PAPOLG: variants seen among roughly 807,000 people sequenced by gnomAD.
PAPOLG encodes the protein poly(A) polymerase gamma, also known as PAP-gamma.
Under a neutral mutation model 99.0 loss-of-function variants are expected in PAPOLG, and 40 were observed. The observed-to-expected ratio is 0.40, with a 90% CI of 0.31 to 0.53. PAPOLG has a LOEUF of 0.53. PAPOLG is among the 20% of genes least tolerant of loss of function. The pLI is 0.41. For synonymous variants in PAPOLG, 310 were observed against 299.3 expected, an observed-to-expected ratio of 1.04 and a Z score of -0.37; for missense variants, 675 against 884.1, an observed-to-expected ratio of 0.76 and a Z score of 3.00.
At chr2:60,756,650 C>T (rs1214986651) in intron 1 of PAPOLG, among the ~76,000 whole-genome samples, 155 bp downstream of exon 1, 4 of 152,090 alleles carry the variant, frequency 2.6e-5, no homozygotes, top group Non-Finnish European at 5.9e-5. Context: ...GCAAGGGCAC[C>T]TCCCCTAAAC....
intron 3 of PAPOLG, 68 bp from the exon 4 acceptor site, chr2:60,768,402 A>G: frequency 1.3e-6 from 2 of 1,530,656 alleles, no homozygotes; most frequent in Non-Finnish European, 1.8e-6. Flanking sequence ...ATGCCCAGCC[A>G]ACATTGAGGT....
At chr2:60,764,878 T>G (rs1457293237) in intron 3 of PAPOLG, among the ~76,000 whole-genome samples, 1 of 152,194 alleles carries the variant, frequency 6.6e-6, no homozygotes, top group African/African-American at 2.4e-5. Context: ...CTATTTACTT[T>G]TGTTGCCAAA....
chr2:60,781,469 A>G (rs1186750459), intron 10 of PAPOLG, among the ~76,000 whole-genome samples: 6 of 152,246 alleles, frequency 3.9e-5, no homozygotes, highest in Admixed American at 2.0e-4. Context: ...TAATTCTCCC[A>G]TATCTTGCAT....
At chr2:60,778,748 C>A (rs1395146176) in intron 8 of PAPOLG, among the ~76,000 whole-genome samples, 3 of 152,062 alleles carry the variant, frequency 2.0e-5, no homozygotes, top group Non-Finnish European at 4.4e-5. Flanking sequence ...GTCTTGTATA[C>A]TTAAGATAAA....
intron 3 of PAPOLG, among the ~76,000 whole-genome samples, chr2:60,765,841 C>T (rs1406398455): frequency 6.6e-6 from 1 of 152,106 alleles, no homozygotes. Flanking sequence ...GATTCCTGGG[C>T]ATGGTGGTGC....
chr2:60,796,381 C>T (rs763601030), intron 21 of PAPOLG, among the ~76,000 whole-genome samples: 4 of 151,926 alleles, frequency 2.6e-5, no homozygotes, highest in Admixed American at 6.6e-5. Context: ...TCAAGTGATT[C>T]GCCCGCCTTG....
intron 8 of PAPOLG, among the ~76,000 whole-genome samples, chr2:60,777,605 G>A (rs1671062400): frequency 6.6e-6 from 1 of 152,198 alleles, no homozygotes; most frequent in Non-Finnish European, 1.5e-5. Context: ...AAGGGGCATA[G>A]CTTTCGGACT....
Position 60,797,961 on chromosome 2 carries a change from A to G in PAPOLG, c.*801A>G, listed in dbSNP as rs976437238. 8 of 152,812 alleles carry G rather than the reference A, an allele frequency of 5.2e-5. No homozygotes were observed. The highest frequency in any genetic ancestry group is 1.0e-4 in the Non-Finnish European group (7 of 68,054). 9.5% of individuals were successfully genotyped at this position (152,812 alleles called of 1,614,324 possible). On this transcript the variant is annotated 3_prime_UTR_variant, in exon 22 of 22. Transcript: ENST00000238714. Reference sequence around the variant, plus strand: ...TATATGAATGGTAAAATTGTTACATATCCTATTTCATGCCATTCTTGTTAG... The same window carrying G: ...TATATGAATGGTAAAATTGTTACATGTCCTATTTCATGCCATTCTTGTTAG...
chr2:60,758,082 C>T (rs1165927734), intron 1 of PAPOLG, among the ~76,000 whole-genome samples: 1 of 152,134 alleles, frequency 6.6e-6, no homozygotes, highest in Non-Finnish European at 1.5e-5. Flanking sequence ...TTCAATACCC[C>T]TTAGGATTAT....
At chr2:60,770,998 C>T (rs1670836482) in intron 6 of PAPOLG, among the ~76,000 whole-genome samples, 1 of 152,114 alleles carries the variant, frequency 6.6e-6, no homozygotes, top group Admixed American at 6.6e-5. Context: ...TTATTTACAG[C>T]CTCCTGACCT....
At chr2:60,794,430 A>C in intron 19 of PAPOLG, 2 of 577,024 alleles carry the variant, frequency 3.5e-6, no homozygotes, top group Non-Finnish European at 5.9e-6. Flanking sequence ...CTGATAACAA[A>C]ATCTCATTTC....
At chr2:60,763,337 C>T (rs1011950093) in intron 3 of PAPOLG, among the ~76,000 whole-genome samples, 3 of 152,112 alleles carry the variant, frequency 2.0e-5, no homozygotes, top group Non-Finnish European at 4.4e-5. Context: ...TGACCTCAGC[C>T]TCCCAAAGTG....
intron 6 of PAPOLG, among the ~76,000 whole-genome samples, chr2:60,770,832 C>T (rs1670831150): frequency 6.6e-6 from 1 of 152,088 alleles, no homozygotes; most frequent in Admixed American, 6.5e-5. Flanking sequence ...ACCGTGTTAG[C>T]CAGGATGGTC....
At chr2:60,776,802 A>G (rs1366040281) in intron 8 of PAPOLG, among the ~76,000 whole-genome samples, 1 of 152,240 alleles carries the variant, frequency 6.6e-6, no homozygotes, top group East Asian at 1.9e-4. Flanking sequence ...TTTGAAACCA[A>G]GCTTCTCCTC....
intron 13 of PAPOLG, among the ~76,000 whole-genome samples, chr2:60,784,439 A>G (rs1000282169): frequency 6.6e-6 from 1 of 152,224 alleles, no homozygotes; most frequent in Admixed American, 6.5e-5. Flanking sequence ...TTTCTAGTGC[A>G]TCTAAATTTA....
At chr2:60,778,897 C>T (rs1033499045) in intron 8 of PAPOLG, among the ~76,000 whole-genome samples, 11 of 151,754 alleles carry the variant, frequency 7.2e-5, no homozygotes, top group Non-Finnish European at 1.3e-4. Flanking sequence ...TTCTTTTGCT[C>T]GCTTGGCGGG....
chr2:60,796,208 CTTTTTTTTTTTTTTT>C (rs66526788), intron 21 of PAPOLG, among the ~76,000 whole-genome samples: 2 of 110,336 alleles, frequency 1.8e-5, no homozygotes, highest in African/African-American at 3.3e-5. Flanking sequence ...TTTTGCCTTC[CTTTTTTTTTTTTTTT>C]TTTTTTTTTT....
At chr2:60,791,209 A>G (rs1281994188) in intron 15 of PAPOLG, among the ~76,000 whole-genome samples, 1 of 152,242 alleles carries the variant, frequency 6.6e-6, no homozygotes, top group Non-Finnish European at 1.5e-5. Context: ...TTATTCTATC[A>G]ACAAGGTTTG....
At chr2:60,775,210 C>T in intron 8 of PAPOLG, 87 bp downstream of exon 8, 1 of 1,422,136 alleles carries the variant, frequency 7.0e-7, no homozygotes, top group South Asian at 1.3e-5. Flanking sequence ...AACTCTGAAC[C>T]TAATGATATT....
Sources: allele counts gnomAD v4.1 joint callset (sites outside exome capture counted in the v4.1 genomes callset), GRCh38; gene constraint gnomAD v4.1.1; transcripts MANE v1.5; gene names NCBI Gene and HGNC (gene_info 2026-07-23, HGNC 2026-07-21).